BAZ1A: variants seen among roughly 807,000 people sequenced by gnomAD.
BAZ1A encodes bromodomain adjacent to zinc finger domain 1A, also known as bromodomain adjacent to zinc finger domain protein 1A.
A neutral mutation model predicts 185.2 loss-of-function variants in BAZ1A; 50 were observed. That is an observed-to-expected ratio of 0.27 (90% CI 0.22 to 0.34). BAZ1A has a LOEUF of 0.34. BAZ1A is among the 10% of genes least tolerant of loss of function. The pLI is 1.00. For missense variants in BAZ1A, 1,356 were observed against 1,839.9 expected, an observed-to-expected ratio of 0.74 and a Z score of 4.81; for synonymous variants, 571 against 615.6, an observed-to-expected ratio of 0.93 and a Z score of 1.07.
intron 4 of BAZ1A, among the ~76,000 whole-genome samples, chr14:34,823,987 C>A (rs1173752756): frequency 1.3e-5 from 2 of 152,016 alleles, no homozygotes; most frequent in African/African-American, 4.8e-5. Flanking sequence ...CACACATTTA[C>A]TACTATAAAT....
chr14:34,835,740 C>T lies in BAZ1A; in HGVS notation c.393-9584G>A, dbSNP rs531426285. Reference sequence around the variant, plus strand: ...AGGCTGGAGTGCAATGGCGTGATCTCGGCTCACTGCAACCTCTGCCTCCCG... The same window carrying T: ...AGGCTGGAGTGCAATGGCGTGATCTTGGCTCACTGCAACCTCTGCCTCCCG... On this transcript the variant is annotated intron_variant, in intron 3 of 26. Coordinates refer to ENST00000360310, the MANE Select transcript of BAZ1A (RefSeq NM_013448.3). 2.4e-4 allele frequency among the ~76,000 whole-genome samples: 36 copies of T among 150,312 alleles called. 1 individual carries two copies. The highest frequency in any genetic ancestry group is 5.9e-4 in the African/African-American group (24 of 40,494).
At chr14:34,838,503 TATC>T (rs1173931718) in intron 3 of BAZ1A, among the ~76,000 whole-genome samples, 1 of 151,294 alleles carries the variant, frequency 6.6e-6, no homozygotes, top group Non-Finnish European at 1.5e-5. Context: ...TGCAAGATAA[TATC>T]ATGAGGGAAA....
Position 34,753,492 on chromosome 14 carries a change from C to T in BAZ1A, c.*16G>A. On this transcript the variant is annotated 3_prime_UTR_variant, in exon 27 of 27. Transcript: ENST00000360310. ...CAATTTGTTTTTCTTCAAATATATC[C>T]TTTAGAAGGACAAAGTCAGATTCGT... 3 of 1,612,976 alleles carry T rather than the reference C, an allele frequency of 1.9e-6. No homozygotes were observed. Among genetic ancestry groups the T allele is most frequent in the Non-Finnish European group, 2.5e-6 (3 of 1,179,244 alleles).
chr14:34,787,511 C>G (rs868729905), intron 12 of BAZ1A, among the ~76,000 whole-genome samples: 72 of 151,704 alleles, frequency 4.7e-4, no homozygotes, highest in Non-Finnish European at 5.7e-4. Flanking sequence ...TGGTGAAACC[C>G]CGTCTCTTCT....
chr14:34,825,937 C>A (rs1594879284), intron 4 of BAZ1A, 76 bp downstream of exon 4: 2 of 1,253,042 alleles, frequency 1.6e-6, no homozygotes, highest in South Asian at 1.7e-5. Context: ...AACTCTATCT[C>A]AAAAAAAAAG....
rs79282959 is a variant in BAZ1A, at chr14:34,831,497, T to A, written c.393-5341A>T. ...TGTAAGACAGAAGAGATGGCAAGGATACTAGAGGCAATTAGTTCTTTTATT... is the reference window on the plus strand; with the variant it reads ...TGTAAGACAGAAGAGATGGCAAGGAAACTAGAGGCAATTAGTTCTTTTATT... On this transcript the variant is annotated intron_variant, in intron 3 of 26. Transcript: ENST00000360310. Among the ~76,000 whole-genome samples the A allele has an allele frequency of 6.1e-3, 932 of 152,332 alleles. 16 individuals are homozygous for A. The highest frequency in any genetic ancestry group is 0.022 in the African/African-American group (900 of 41,574).
At chr14:34,794,578 G>A (rs1385224423) in intron 11 of BAZ1A, among the ~76,000 whole-genome samples, 171 bp downstream of exon 11, 1 of 152,170 alleles carries the variant, frequency 6.6e-6, no homozygotes, top group Non-Finnish European at 1.5e-5. Flanking sequence ...GCCACATGAA[G>A]AGGACCGAGG....
At chr14:34,756,107 G>GT (rs1285669268) in intron 25 of BAZ1A, among the ~76,000 whole-genome samples, 49 of 113,206 alleles carry the variant, frequency 4.3e-4, no homozygotes, top group African/African-American at 1.5e-3. Context: ...TCCCAAACTG[G>GT]TTTTTTTCTT....
chr14:34,793,941 CAAAAAGAAA>C (rs1045386577), intron 11 of BAZ1A, among the ~76,000 whole-genome samples: 3 of 135,320 alleles, frequency 2.2e-5, no homozygotes, highest in Middle Eastern at 4.2e-3. Context: ...GACTCCGTCT[CAAAAAGAAA>C]AAAAAGAAAA....
chr14:34,768,717 C>T lies in BAZ1A; in HGVS notation c.3301+2794G>A, dbSNP rs942388767. 9.4e-6 allele frequency: 4 copies of T among 426,572 alleles called. No individual in the cohort carries two copies. In the Admixed American group the frequency reaches 1.1e-4, roughly 12 times the overall value. 26.4% of individuals were successfully genotyped at this position (426,572 alleles called of 1,614,324 possible). The stretch of plus-strand genomic sequence containing the variant: ...TCTCTCACACTAGATAGATCTTCCT[C>T]TCTCTTTTTCTTGTCCTTTTTTTTT... On this transcript the variant is annotated intron_variant, in intron 21 of 26. Transcript: ENST00000360310.
chr14:34,755,116 T>G (rs922469790), intron 25 of BAZ1A, among the ~76,000 whole-genome samples: 7 of 151,956 alleles, frequency 4.6e-5, no homozygotes, highest in Non-Finnish European at 2.9e-5. Flanking sequence ...GATATCGCGC[T>G]CTCTCTATAT....
At chr14:34,770,636 A>C (rs1056467319) in intron 21 of BAZ1A, among the ~76,000 whole-genome samples, 5 of 152,244 alleles carry the variant, frequency 3.3e-5, no homozygotes, top group Admixed American at 3.3e-4. Flanking sequence ...GTTATGATAT[A>C]AACATTGATT....
Position 34,761,898 on chromosome 14 carries a change from G to T in BAZ1A, c.4102C>A (p.Pro1368Thr). The T allele has an allele frequency of 6.2e-7, 1 of 1,614,148 alleles. No homozygotes were observed. Among genetic ancestry groups the T allele is most frequent in the South Asian group, 1.1e-5 (1 of 91,082 alleles). ...TTAGGGAAGTTGGGACTATTTTCTGGTGTATTATTAGCACTTTTCCTGCCT... is the reference window on the plus strand; with the variant it reads ...TTAGGGAAGTTGGGACTATTTTCTGTTGTATTATTAGCACTTTTCCTGCCT... ...RRGRKSANNT[P>T]ENSPNFPNFR... The change falls in exon 24 of 27, where the codon CCA becomes ACA. Residue 1368 changes from proline to threonine, a missense_variant. Physicochemically the swap from Pro to Thr is conservative, Grantham distance 38. Coordinates refer to ENST00000360310, the MANE Select transcript of BAZ1A (RefSeq NM_013448.3).
chr14:34,831,612 A>C (rs1474598354), intron 3 of BAZ1A, among the ~76,000 whole-genome samples: 3 of 152,130 alleles, frequency 2.0e-5, no homozygotes, highest in Non-Finnish European at 4.4e-5. Flanking sequence ...ATAATCCTAC[A>C]CCCAAACAAA....
chr14:34,857,792 C>G (rs747757611), intron 3 of BAZ1A, among the ~76,000 whole-genome samples: 9 of 152,134 alleles, frequency 5.9e-5, no homozygotes, highest in Non-Finnish European at 1.3e-4. Flanking sequence ...CCACTTCAGG[C>G]CTCTCCCTCT....
intron 4 of BAZ1A, among the ~76,000 whole-genome samples, chr14:34,824,524 T>G (rs765302359): frequency 6.6e-6 from 1 of 152,032 alleles, no homozygotes; most frequent in Non-Finnish European, 1.5e-5. Context: ...TAGATGACCT[T>G]GTACAAAGCC....
In BAZ1A at chr14:34,839,839, C is replaced by CAAAAAAAAA. The variant is rs60954768; in HGVS notation, c.393-13692_393-13684dup. ...TGGGCGACAAAGCGAGCCTCTGTTT[C>CAAAAAAAAA]AAAAAAAAAAAAAAAAAAGGAAAAA... On this transcript the variant is annotated intron_variant, in intron 3 of 26. Coordinates refer to ENST00000360310, the MANE Select transcript of BAZ1A (RefSeq NM_013448.3). Among the ~76,000 whole-genome samples the CAAAAAAAAA allele has an allele frequency of 1.4e-3, 145 of 106,598 alleles. 1 individual carries two copies. The highest frequency in any genetic ancestry group is 5.1e-3 in the African/African-American group (136 of 26,842). 69.9% of individuals were successfully genotyped at this position (106,598 alleles called of 152,430 possible).
intron 12 of BAZ1A, chr14:34,786,463 C>G: frequency 2.4e-6 from 1 of 408,616 alleles, no homozygotes; most frequent in Non-Finnish European, 4.4e-6. Context: ...TTCCAAATTA[C>G]CAATGAGACG....
In BAZ1A at chr14:34,826,151, T is replaced by A; in HGVS notation, c.398A>T (p.Gln133Leu). ...EVIRNNGARL[Q>L]CRILEVLPPS... is the part of the protein sequence containing the mutation. ...AGGGAGGACTTCCAAAATCCTACACTGCAACCTGAAATAAAATGATACATT... is the reference window on the plus strand; with the variant it reads ...AGGGAGGACTTCCAAAATCCTACACAGCAACCTGAAATAAAATGATACATT... The change falls in exon 4 of 27, where the codon CAG becomes CTG. Residue 133 changes from glutamine to leucine, a missense_variant. Physicochemically the swap from Gln to Leu is moderately radical, Grantham distance 113 (BLOSUM62 -2). Transcript: ENST00000360310. The A allele has an allele frequency of 6.2e-7, 1 of 1,607,612 alleles. No individual in the cohort carries two copies. Among genetic ancestry groups the A allele is most frequent in the Non-Finnish European group, 8.5e-7 (1 of 1,178,364 alleles).
Sources: allele counts gnomAD v4.1 joint callset (sites outside exome capture counted in the v4.1 genomes callset), GRCh38; gene constraint gnomAD v4.1.1; transcripts MANE v1.5; gene names NCBI Gene and HGNC (gene_info 2026-07-23, HGNC 2026-07-21).